The following USP54 variants were observed in gnomAD, a reference collection of about 807,000 sequenced individuals.
USP54 encodes ubiquitin carboxyl-terminal hydrolase 54.
USP54 carries 87 observed loss-of-function variants against 170.5 expected under a neutral mutation model. The observed-to-expected ratio is 0.51, with a 90% confidence interval of 0.43 to 0.61. The LOEUF (loss-of-function observed/expected upper bound fraction) is 0.61. Among genes scored for constraint, USP54 ranks in the 20% least tolerant of loss-of-function variants. USP54 has a pLI of 0.00. For synonymous variants in USP54, 655 were observed against 742.8 expected (o/e 0.88, Z 1.92); for missense variants, 1,786 against 2,047.8 (o/e 0.87, Z 2.47).
intron 4 of USP54, among the ~76,000 whole-genome samples, chr10:73,563,682 C>T (rs540323195): frequency 5.8e-4 from 88 of 152,296 alleles, no homozygotes; most frequent in African/African-American, 2.0e-3. Context: ...GGAGATCTGC[C>T]CGCCTCGGCC....
At chr10:73,521,596 T>C (rs1438480046) in intron 17 of USP54, among the ~76,000 whole-genome samples, 1 of 152,246 alleles carries the variant, frequency 6.6e-6, no homozygotes, top group Non-Finnish European at 1.5e-5. Flanking sequence ...GGAAAATCAG[T>C]GCACTTCTTG....
chr10:73,543,286 T>A (rs1296634327), intron 5 of USP54, among the ~76,000 whole-genome samples, 155 bp from the exon 6 acceptor site: 1 of 152,218 alleles, frequency 6.6e-6, no homozygotes, highest in Non-Finnish European at 1.5e-5. Context: ...TATAAATTCA[T>A]AGCAAGTTTC....
rs184435280 is a variant in USP54, at chr10:73,574,602, C to A, written c.147+910G>T. On this transcript the variant is annotated intron_variant, in intron 3 of 23. Coordinates refer to ENST00000687698, the MANE Select transcript of USP54 (RefSeq NM_001391956.1). ...GACCAGCCTGCCCAACATAGTAAAA[C>A]CCTGTCTCCACTAAAAATACAAAAA... is the stretch of plus-strand genomic sequence containing the variant. Among the ~76,000 whole-genome samples the A allele has an allele frequency of 1.3e-3, 191 of 152,008 alleles. 3 individuals are homozygous for A. Among genetic ancestry groups the A allele is most frequent in the Admixed American group, 0.011 (162 of 15,264 alleles).
chr10:73,571,963 TG>T (rs2075280424), intron 3 of USP54, among the ~76,000 whole-genome samples: 1 of 152,242 alleles, frequency 6.6e-6, no homozygotes, highest in African/African-American at 2.4e-5. Context: ...AAGAGAAGTG[TG>T]ATCTCCTTAA....
In USP54 at chr10:73,540,460, C is replaced by T. The variant is rs2066362382; in HGVS notation, c.826-867G>A. Among the ~76,000 whole-genome samples, 4 of 151,928 alleles carry T rather than the reference C, an allele frequency of 2.6e-5. No individual in the cohort carries two copies. The South Asian group carries it at 8.3e-4, about 32-fold the overall frequency. ...TGGCAGGCACCTGTAGTCCCATCTACTGGGGAGGCTGAGGCAGGAGAATGG... is the reference window on the plus strand; with the variant it reads ...TGGCAGGCACCTGTAGTCCCATCTATTGGGGAGGCTGAGGCAGGAGAATGG... On this transcript the variant is annotated intron_variant, in intron 9 of 23. Coordinates refer to ENST00000687698, the MANE Select transcript of USP54 (RefSeq NM_001391956.1).
intron 3 of USP54, among the ~76,000 whole-genome samples, chr10:73,573,128 T>C (rs1242113826): frequency 2.0e-5 from 3 of 151,228 alleles, no homozygotes; most frequent in Non-Finnish European, 3.0e-5. Flanking sequence ...CCACAAACAA[T>C]TAAAAAAAAA....
chr10:73,550,622 C>T (rs1263274073), intron 4 of USP54, among the ~76,000 whole-genome samples: 3 of 151,954 alleles, frequency 2.0e-5, no homozygotes, highest in East Asian at 3.9e-4. Flanking sequence ...AAAGTGTAAC[C>T]GATAACTATT....
rs1280739423 is a variant in USP54 at position 73,519,981 on chromosome 10, G to A, written c.2494C>T (p.Leu832Phe). ...CTACAGCTGGCACCATGCAGGGCAA[G>A]TCTTAGTTTAGCTAAAATGCAAAAG... ...LCNEAISKLR[L>F]ALHGASCSTH... The change falls in exon 19 of 24, where the codon CTT becomes TTT. Residue 832 changes from leucine to phenylalanine, a missense_variant. Physicochemically the swap from Leu to Phe is conservative, Grantham distance 22. Around this residue, in one of 3 missense-constraint regions of USP54, gnomAD observed 1,418 missense variants for 1,569.0 expected, o/e 0.90. Coordinates refer to ENST00000687698, the MANE Select transcript of USP54 (RefSeq NM_001391956.1). 6.2e-7 allele frequency: 1 copy of A among 1,606,400 alleles called. No homozygotes were observed. Among genetic ancestry groups the A allele is most frequent in the Admixed American group, 1.7e-5 (1 of 58,618 alleles).
At chr10:73,532,177 CTT>C (rs879926149) in intron 12 of USP54, among the ~76,000 whole-genome samples, 4 of 144,936 alleles carry the variant, frequency 2.8e-5, no homozygotes, top group African/African-American at 2.5e-5. Flanking sequence ...ACAACTAAGT[CTT>C]TTTTTTTTTT....
rs532088919 is a variant in USP54, at chr10:73,530,647, G to A, written c.1447+57C>T. On this transcript the variant is annotated intron_variant, in intron 13 of 23. Coordinates refer to ENST00000687698, the MANE Select transcript of USP54 (RefSeq NM_001391956.1). ...AGGAGAAGCCAACAGTCTGGAGCAT[G>A]ACAGAAGTTTGATAGAGTGAATGAA... is the stretch of plus-strand genomic sequence containing the variant. The A allele has an allele frequency of 6.2e-6, 10 of 1,604,494 alleles. No individual in the cohort carries two copies. In the South Asian group the frequency reaches 8.9e-5, roughly 14 times the overall value.
intron 22 of USP54, chr10:73,504,177 GACCTAGTGGACA>G (rs2058676998): frequency 1.3e-5 from 2 of 152,252 alleles, no homozygotes; most frequent in Non-Finnish European, 2.9e-5. Flanking sequence ...TTCCTGAACT[GACCTAGTGGACA>G]ACCTTCAATG....
At chr10:73,541,767 A>G in intron 7 of USP54, 29 bp from the exon 8 acceptor site, 15 of 1,602,710 alleles carry the variant, frequency 9.4e-6, no homozygotes, top group Non-Finnish European at 1.3e-5. Context: ...AAGGGGGATG[A>G]TGGTTTGTAT....
chr10:73,584,568 ACT>A, intron 1 of USP54, among the ~76,000 whole-genome samples: 1 of 152,218 alleles, frequency 6.6e-6, no homozygotes, highest in South Asian at 2.1e-4. Flanking sequence ...GAAGTTTAAA[ACT>A]CAGCAACATC....
intron 15 of USP54, among the ~76,000 whole-genome samples, chr10:73,527,898 C>T (rs1359704224): frequency 6.8e-6 from 1 of 146,522 alleles, no homozygotes; most frequent in East Asian, 2.1e-4. Flanking sequence ...AACATTTGGG[C>T]TTCTTCTCTG....
chr10:73,524,666 A>G (rs905891952), intron 16 of USP54, among the ~76,000 whole-genome samples: 1 of 152,218 alleles, frequency 6.6e-6, no homozygotes, highest in Non-Finnish European at 1.5e-5. Flanking sequence ...TTTGTTCAGC[A>G]CTTACTATGT....
In USP54 at chr10:73,516,443, T is replaced by C; in HGVS notation, c.3983A>G (p.Gln1328Arg). The C allele has an allele frequency of 6.2e-7, 1 of 1,614,012 alleles. No individual in the cohort carries two copies. The highest frequency in any genetic ancestry group is 8.5e-7 in the Non-Finnish European group (1 of 1,180,022). Residue 1328 changes from glutamine to arginine, a missense_variant, in exon 20 of 24, where the codon CAG (glutamine) becomes CGG (arginine). Physicochemically the swap from Gln to Arg is conservative, Grantham distance 43. Coordinates refer to ENST00000687698, the MANE Select transcript of USP54 (RefSeq NM_001391956.1). The part of the protein sequence containing the change: ...ELESLYQASL[Q>R]ASQAGCSGWG... ...TCCAGAACAGCCAGCTTGAGAAGCC[T>C]GAAGACTGGCCTGATACAGAGACTC... is the stretch of plus-strand genomic sequence containing the variant.
At chr10:73,568,376 G>A (rs1032451969) in intron 4 of USP54, among the ~76,000 whole-genome samples, 18 of 152,106 alleles carry the variant, frequency 1.2e-4, no homozygotes, top group African/African-American at 4.3e-4. Flanking sequence ...CTTGAAAACT[G>A]GCTATTCTAA....
At chr10:73,605,525 T>A (rs927093963) in intron 1 of USP54, among the ~76,000 whole-genome samples, 4 of 151,806 alleles carry the variant, frequency 2.6e-5, no homozygotes, top group African/African-American at 9.7e-5. Flanking sequence ...AGACTCTGTC[T>A]CAAAAAATAA....
At position 73,499,192 on chromosome 10, in the gene USP54, G is replaced by A. The variant is rs1415664337; in HGVS notation, c.4496-4C>T. ...TGCTGGACACTCCTTGAAGTTCCTG[G>A]GGAAAGAAAAGAAACCCAAAGACTG... On this transcript the variant is annotated splice_region_variant and splice_polypyrimidine_tract_variant and intron_variant, in intron 23 of 23. Transcript: ENST00000687698. 6.3e-7 allele frequency: 1 copy of A among 1,583,680 alleles called. No homozygotes were observed. Among genetic ancestry groups the A allele is most frequent in the East Asian group, 2.2e-5 (1 of 44,740 alleles).
Sources: allele counts gnomAD v4.1 joint callset (sites outside exome capture counted in the v4.1 genomes callset), GRCh38; gene constraint gnomAD v4.1.1; regional missense constraint gnomAD v4.1.1; transcripts MANE v1.5; gene names NCBI Gene and HGNC (gene_info 2026-07-23, HGNC 2026-07-21).